The following ZFAND3 variants were observed in gnomAD, a reference collection of about 807,000 sequenced individuals.
ZFAND3 encodes zinc finger AN1-type containing 3, also known as AN1-type zinc finger protein 3.
In ZFAND3, 10 loss-of-function variants were observed where a neutral mutation model predicts 29.6. The observed-to-expected ratio is 0.34, with a 90% CI of 0.21 to 0.57. ZFAND3 has a LOEUF of 0.57. Among genes scored for constraint, ZFAND3 ranks in the 20% least tolerant of loss-of-function variants. The probability of loss-of-function intolerance (pLI) is 0.86; values close to 1 mark genes in which losing one functional copy is unlikely to be tolerated. For missense variants in ZFAND3, 230 were observed against 304.5 expected (o/e 0.76, Z 1.82); for synonymous variants, 128 against 112.6 (o/e 1.14, Z -0.87).
At position 38,126,083 on chromosome 6, in the gene ZFAND3, C is replaced by T. The variant is rs149101591; in HGVS notation, c.529+9344C>T. Among the ~76,000 whole-genome samples, 264 of 152,274 alleles carry T rather than the reference C, an allele frequency of 1.7e-3. 2 individuals are homozygous for T. Among genetic ancestry groups the T allele is most frequent in the African/African-American group, 6.1e-3 (253 of 41,554 alleles). On this transcript the variant is annotated intron_variant, in intron 5 of 5. Transcript: ENST00000287218. ...AAGTTCCCTCATGCCCCTTTTCAGT[C>T]GATCCATATTCTCTCCCACCCTAGC...
At chr6:37,923,585 A>G (rs1761424980) in intron 1 of ZFAND3, among the ~76,000 whole-genome samples, 1 of 152,300 alleles carries the variant, frequency 6.6e-6, no homozygotes, top group African/African-American at 2.4e-5. Context: ...ACACAAACCA[A>G]TCACATAGAT....
At chr6:37,825,646 T>G (rs1763744924) in intron 1 of ZFAND3, among the ~76,000 whole-genome samples, 1 of 152,124 alleles carries the variant, frequency 6.6e-6, no homozygotes, top group Non-Finnish European at 1.5e-5. Context: ...CCATTTACCG[T>G]CTCCCACTCT....
intron 1 of ZFAND3, among the ~76,000 whole-genome samples, chr6:37,896,578 C>G (rs888697476): frequency 2.6e-5 from 2 of 76,112 alleles, no homozygotes; most frequent in Non-Finnish European, 5.5e-5. Flanking sequence ...TTCTCTCTTT[C>G]TCTCTCTTTC....
chr6:37,879,719 ATAT>A (rs1764856629), intron 1 of ZFAND3, among the ~76,000 whole-genome samples: 1 of 152,190 alleles, frequency 6.6e-6, no homozygotes, highest in Non-Finnish European at 1.5e-5. Context: ...TTGGTAGAAG[ATAT>A]TATCCTGCCT....
At chr6:38,052,724 C>T (rs184360604) in intron 2 of ZFAND3, among the ~76,000 whole-genome samples, 20 of 152,162 alleles carry the variant, frequency 1.3e-4, no homozygotes, top group Non-Finnish European at 2.5e-4. Context: ...AAATCTCCCA[C>T]GTGTCATGAT....
chr6:37,916,745 T>C (rs1332752622), intron 1 of ZFAND3, among the ~76,000 whole-genome samples: 1 of 152,250 alleles, frequency 6.6e-6, no homozygotes, highest in African/African-American at 2.4e-5. Flanking sequence ...TTCTGGTACC[T>C]GCAGTCAACC....
At chr6:37,839,060 A>T (rs941022906) in intron 1 of ZFAND3, among the ~76,000 whole-genome samples, 2 of 152,192 alleles carry the variant, frequency 1.3e-5, no homozygotes, top group East Asian at 3.9e-4. Context: ...ATGACTGATG[A>T]TGTTGAGTAT....
At chr6:37,970,036 A>G (rs1321135299) in intron 2 of ZFAND3, among the ~76,000 whole-genome samples, 3 of 152,170 alleles carry the variant, frequency 2.0e-5, no homozygotes, top group East Asian at 1.9e-4. Flanking sequence ...GCTGAGACAC[A>G]AGAATCGCTT....
intron 1 of ZFAND3, among the ~76,000 whole-genome samples, chr6:37,899,456 G>A (rs773588195): frequency 6.6e-6 from 1 of 152,000 alleles, no homozygotes; most frequent in Non-Finnish European, 1.5e-5. Context: ...CACTATTATT[G>A]TTAAAATGTG....
At position 37,881,950 on chromosome 6, in the gene ZFAND3, G is replaced by A. The variant is rs1053575128; in HGVS notation, c.72-48009G>A. On this transcript the variant is annotated intron_variant, in intron 1 of 5. Coordinates refer to ENST00000287218, the MANE Select transcript of ZFAND3 (RefSeq NM_021943.3). ...ATCACATGAAGACTATAGGTCAGTG[G>A]TGCAGAGCTCAGCATGTCGTCTGTG... 2.9e-4 allele frequency among the ~76,000 whole-genome samples: 44 copies of A among 152,144 alleles called. 1 individual carries two copies. The highest frequency in any genetic ancestry group is 1.5e-5 in the Non-Finnish European group (1 of 68,020).
chr6:37,997,052 G>A (rs941313146), intron 2 of ZFAND3, among the ~76,000 whole-genome samples: 1 of 152,262 alleles, frequency 6.6e-6, no homozygotes. Flanking sequence ...GTTTGTGCCT[G>A]GCAGTGCCTT....
intron 1 of ZFAND3, among the ~76,000 whole-genome samples, chr6:37,877,556 G>T (rs1764816112): frequency 6.6e-6 from 1 of 152,106 alleles, no homozygotes; most frequent in Non-Finnish European, 1.5e-5. Context: ...AGGAGTCAGA[G>T]ATAATGCTTA....
chr6:37,888,384 T>C (rs572909391), intron 1 of ZFAND3, among the ~76,000 whole-genome samples: 14 of 152,238 alleles, frequency 9.2e-5, no homozygotes, highest in African/African-American at 3.4e-4. Context: ...CTAAAGAGAA[T>C]TAACATCTGA....
chr6:38,019,931 G>C (rs983016162), intron 2 of ZFAND3, among the ~76,000 whole-genome samples: 1 of 152,042 alleles, frequency 6.6e-6, no homozygotes, highest in African/African-American at 2.4e-5. Flanking sequence ...TGGTGGCCAG[G>C]CTGGTCTCAA....
intron 5 of ZFAND3, among the ~76,000 whole-genome samples, chr6:38,117,161 AT>A (rs751879752): frequency 1.5e-4 from 22 of 148,718 alleles, no homozygotes; most frequent in East Asian, 9.9e-4. Flanking sequence ...TAAATGGAAG[AT>A]TTTTTTTTCT....
At chr6:37,915,278 T>A (rs571291229) in intron 1 of ZFAND3, among the ~76,000 whole-genome samples, 1 of 152,202 alleles carries the variant, frequency 6.6e-6, no homozygotes, top group Non-Finnish European at 1.5e-5. Flanking sequence ...GCTGGTTTGA[T>A]CTTCTGTCTT....
chr6:37,881,349 G>A (rs1046251131), intron 1 of ZFAND3, among the ~76,000 whole-genome samples: 2 of 147,566 alleles, frequency 1.4e-5, no homozygotes, highest in African/African-American at 4.9e-5. Context: ...GCCTCCCAAA[G>A]TGTTGGGATT....
chr6:37,993,138 G>A (rs535470530), intron 2 of ZFAND3, among the ~76,000 whole-genome samples: 20 of 151,780 alleles, frequency 1.3e-4, no homozygotes, highest in African/African-American at 4.1e-4. Flanking sequence ...TCAATCTCAC[G>A]TTTGGATTAA....
At chr6:38,045,054 T>TTTTTTTTATTTATTTA (rs374971956) in intron 2 of ZFAND3, among the ~76,000 whole-genome samples, 6 of 134,738 alleles carry the variant, frequency 4.5e-5, no homozygotes, top group Non-Finnish European at 6.3e-5. Context: ...GTGGAAATTC[T>TTTTTTTTATTTATTTA]TTTATTTATT....
Sources: gnomAD v4.1 joint callset for allele counts (sites outside exome capture counted in the v4.1 genomes callset) on GRCh38, gnomAD v4.1.1 for gene constraint, MANE v1.5 for transcripts, NCBI Gene and HGNC (gene_info 2026-07-23, HGNC 2026-07-21) for gene names.